PPP2R2B: variants seen among roughly 807,000 people sequenced by gnomAD.
PPP2R2B encodes serine/threonine-protein phosphatase 2A 55 kDa regulatory subunit B beta isoform.
PPP2R2B carries 5 observed loss-of-function variants against 46.0 expected under a neutral mutation model. The ratio of observed to expected loss-of-function variants is 0.11; its 90% confidence interval spans 0.06 to 0.23. The LOEUF (loss-of-function observed/expected upper bound fraction) is 0.23, where lower values mean the gene tolerates loss of function less well. Among genes scored for constraint, PPP2R2B ranks in the 10% least tolerant of loss-of-function variants. The pLI is 1.00. For missense variants in PPP2R2B, 367 were observed against 575.0 expected (o/e 0.64, Z 3.70); for synonymous variants, 215 against 206.7 (o/e 1.04, Z -0.34).
intron 2 of PPP2R2B, among the ~76,000 whole-genome samples, chr5:146,740,363 C>G (rs1007399549): frequency 6.6e-6 from 1 of 152,080 alleles, no homozygotes; most frequent in Non-Finnish European, 1.5e-5. Flanking sequence ...ATAGTTAACC[C>G]AGTCTTTAAA....
At chr5:146,872,415 T>C (rs943197276) in intron 2 of PPP2R2B, among the ~76,000 whole-genome samples, 1 of 152,238 alleles carries the variant, frequency 6.6e-6, no homozygotes, top group Non-Finnish European at 1.5e-5. Flanking sequence ...GGCATTTGCA[T>C]ACAAATACCA....
In PPP2R2B at chr5:146,767,556, A is replaced by C. The variant is rs970531913; in HGVS notation, c.71-66414T>G. ...CACATACATACACACACACACACAC[A>C]CCTATATATATATATTTAGTAGACT... On this transcript the variant is annotated intron_variant, in intron 2 of 9. Coordinates refer to ENST00000394411, the MANE Select transcript of PPP2R2B (RefSeq NM_181675.4). Among the ~76,000 whole-genome samples, 5 of 152,086 alleles carry C rather than the reference A, an allele frequency of 3.3e-5. No individual in the cohort carries two copies. The South Asian group carries it at 6.2e-4, about 19-fold the overall frequency.
chr5:147,017,573 A>C (rs1755064030), intron 1 of PPP2R2B, among the ~76,000 whole-genome samples: 1 of 151,622 alleles, frequency 6.6e-6, no homozygotes, highest in African/African-American at 2.4e-5. Flanking sequence ...CAGAGGAAGC[A>C]TATTAGGAAT....
At chr5:146,676,289 C>T (rs1441653683) in intron 5 of PPP2R2B, among the ~76,000 whole-genome samples, 1 of 152,094 alleles carries the variant, frequency 6.6e-6, no homozygotes, top group Admixed American at 6.5e-5. Context: ...GAAGCGAGGG[C>T]TTGCATTGCT....
intron 1 of PPP2R2B, among the ~76,000 whole-genome samples, chr5:147,048,936 T>C (rs1756660116): frequency 6.6e-6 from 1 of 152,166 alleles, no homozygotes; most frequent in Non-Finnish European, 1.5e-5. Flanking sequence ...ATGTCACTTA[T>C]ATTCTATAGT....
chr5:146,970,745 CCTT>C (rs1306071843), intron 1 of PPP2R2B, among the ~76,000 whole-genome samples: 3 of 152,076 alleles, frequency 2.0e-5, no homozygotes, highest in Non-Finnish European at 2.9e-5. Flanking sequence ...AAGAAGGTCA[CCTT>C]CTTAAAAACT....
At chr5:146,893,882 G>GAAAA (rs11341457) in intron 1 of PPP2R2B, among the ~76,000 whole-genome samples, 1 of 121,298 alleles carries the variant, frequency 8.2e-6, no homozygotes. Context: ...AAGTAAAATT[G>GAAAA]AAAAAAAAAA....
chr5:146,865,124 T>C (rs957702403), intron 2 of PPP2R2B, among the ~76,000 whole-genome samples: 2 of 152,166 alleles, frequency 1.3e-5, no homozygotes, highest in Non-Finnish European at 2.9e-5. Flanking sequence ...TTGGAAATAA[T>C]CTAAACTTTC....
chr5:146,781,246 C>T (rs905767420), intron 2 of PPP2R2B, among the ~76,000 whole-genome samples: 1 of 144,448 alleles, frequency 6.9e-6, no homozygotes, highest in Non-Finnish European at 1.5e-5. Context: ...CAAATCACAT[C>T]ATAACAGTAG....
At chr5:147,000,055 C>A (rs995998595) in intron 1 of PPP2R2B, among the ~76,000 whole-genome samples, 4 of 152,120 alleles carry the variant, frequency 2.6e-5, no homozygotes, top group African/African-American at 7.2e-5. Flanking sequence ...ATTTAGACAC[C>A]AAGGCTGTGA....
At chr5:147,025,546 T>A (rs1259311342) in intron 1 of PPP2R2B, among the ~76,000 whole-genome samples, 1 of 151,656 alleles carries the variant, frequency 6.6e-6, no homozygotes, top group Non-Finnish European at 1.5e-5. Context: ...CAAAGCATGA[T>A]CTATAAAAAA....
chr5:146,697,942 T>C, intron 4 of PPP2R2B, 37 bp downstream of exon 4: 1 of 1,581,046 alleles, frequency 6.3e-7, no homozygotes, highest in Admixed American at 1.8e-5. Context: ...TTTGGCCGAC[T>C]GTATCTCTGA....
At chr5:146,738,632 C>G (rs1337200216) in intron 2 of PPP2R2B, among the ~76,000 whole-genome samples, 1 of 152,104 alleles carries the variant, frequency 6.6e-6, no homozygotes, top group East Asian at 1.9e-4. Flanking sequence ...TCCTAGTTAA[C>G]TGCCCTCAGC....
chr5:147,062,245 T>C (rs1312283570), intron 2 of PPP2R2B, among the ~76,000 whole-genome samples: 3 of 152,214 alleles, frequency 2.0e-5, no homozygotes. Context: ...GGCTGTACCA[T>C]CTAGGTTTGT....
chr5:146,718,990 A>G (rs1197904158), intron 2 of PPP2R2B, among the ~76,000 whole-genome samples: 1 of 152,234 alleles, frequency 6.6e-6, no homozygotes, highest in East Asian at 1.9e-4. Flanking sequence ...CTTAGAGGCA[A>G]CAACCACACC....
At chr5:147,074,112 T>C (rs577678511) in intron 2 of PPP2R2B, among the ~76,000 whole-genome samples, 1 of 152,002 alleles carries the variant, frequency 6.6e-6, no homozygotes, top group Non-Finnish European at 1.5e-5. Context: ...ACCTAGTGAA[T>C]CAGAATCTCT....
intron 1 of PPP2R2B, among the ~76,000 whole-genome samples, chr5:147,022,458 G>A (rs923383072): frequency 5.9e-5 from 9 of 151,882 alleles, no homozygotes; most frequent in South Asian, 2.1e-4. Flanking sequence ...CATTCGGGAG[G>A]CTGAGGCAGG....
At chr5:146,669,167 A>G (rs1263299676) in intron 5 of PPP2R2B, among the ~76,000 whole-genome samples, 3 of 152,188 alleles carry the variant, frequency 2.0e-5, no homozygotes, top group Non-Finnish European at 4.4e-5. Flanking sequence ...TTTAGTATTT[A>G]TTTTGCCTCT....
chr5:146,863,343 T>A (rs187835759), intron 2 of PPP2R2B, among the ~76,000 whole-genome samples: 17 of 152,260 alleles, frequency 1.1e-4, no homozygotes, highest in Non-Finnish European at 2.9e-5. Context: ...TAGTTCAGGG[T>A]TCTAGGGAAG....
Sources: allele counts gnomAD v4.1 joint callset (sites outside exome capture counted in the v4.1 genomes callset), GRCh38; gene constraint gnomAD v4.1.1; transcripts MANE v1.5; gene names NCBI Gene and HGNC (gene_info 2026-07-23, HGNC 2026-07-21).